The following ADGRB1 variants were observed in gnomAD, a reference collection of about 807,000 sequenced individuals.
ADGRB1 encodes the protein adhesion G protein-coupled receptor B1.
ADGRB1 carries 36 observed loss-of-function variants against 175.7 expected under a neutral mutation model. The observed-to-expected ratio is 0.20, with a 90% CI of 0.16 to 0.27. The LOEUF is 0.27. Among genes scored for constraint, ADGRB1 ranks in the 10% least tolerant of loss-of-function variants. The pLI is 1.00. For synonymous variants in ADGRB1, 1,054 were observed against 979.4 expected (o/e 1.08, Z -1.42); for missense variants, 1,731 against 2,255.3 (o/e 0.77, Z 4.71).
Position 142,544,449 on chromosome 8 carries a change from G to A in ADGRB1, c.*32G>A, listed in dbSNP as rs570987467. The A allele has an allele frequency of 1.3e-4, 186 of 1,442,690 alleles. 1 individual carries two copies. The South Asian group carries it at 2.2e-3, about 17-fold the overall frequency. The allele number at this position is 1,442,690 out of a possible 1,614,324, so 89.4% of individuals were successfully genotyped here. A position where few individuals can be genotyped will look rare whatever the true frequency, so the allele number is the denominator to read the frequency against. On this transcript the variant is annotated 3_prime_UTR_variant, in exon 31 of 31. Transcript: ENST00000517894. ...GGGCGGCGGCCACGCACTGGGCCAC[G>A]GAGGAGGGATGCTGCTCCGCCCGCT...
intron 17 of ADGRB1, among the ~76,000 whole-genome samples, chr8:142,503,716 C>T (rs1437383429): frequency 1.3e-5 from 2 of 152,192 alleles, no homozygotes; most frequent in Non-Finnish European, 2.9e-5. Flanking sequence ...TCTTCAGGAG[C>T]TCCATTCTGC....
intron 30 of ADGRB1, 36 bp from the exon 31 acceptor site, chr8:142,544,184 G>A: frequency 1.9e-6 from 3 of 1,544,702 alleles, no homozygotes; most frequent in Non-Finnish European, 2.6e-6. Flanking sequence ...TCTCCCTCCG[G>A]GCCCCACCCC....
chr8:142,505,920 G>A (rs573374409), intron 17 of ADGRB1, among the ~76,000 whole-genome samples: 1 of 152,308 alleles, frequency 6.6e-6, no homozygotes, highest in South Asian at 2.1e-4. Context: ...GGTGGGGGAG[G>A]TGAAGCGGGG....
At chr8:142,473,166 G>C (rs937321879) in intron 2 of ADGRB1, among the ~76,000 whole-genome samples, 1 of 152,188 alleles carries the variant, frequency 6.6e-6, no homozygotes, top group Non-Finnish European at 1.5e-5. Flanking sequence ...GGCATCCTCC[G>C]ATGAGCCTGG....
intron 18 of ADGRB1, among the ~76,000 whole-genome samples, chr8:142,517,906 A>G (rs1466487480): frequency 6.6e-6 from 1 of 151,804 alleles, no homozygotes; most frequent in Non-Finnish European, 1.5e-5. Context: ...TGTGGGGCAC[A>G]GGCAAAGGGC....
In ADGRB1 at chr8:142,504,006, G is replaced by A. The variant is rs186831776; in HGVS notation, c.2676-6926G>A. Among the ~76,000 whole-genome samples the A allele has an allele frequency of 3.7e-4, 56 of 152,348 alleles. No individual in the cohort carries two copies. The East Asian group carries it at 0.01, about 27-fold the overall frequency. On this transcript the variant is annotated intron_variant, in intron 17 of 30. Transcript: ENST00000517894. This position sits in a 1 kb window ranked among gnomAD's most constrained non-coding sequence, Gnocchi z 5.6. ...GAGAAGCCCAGGAGCCAGCCTCATA[G>A]ACAGGGCACCAAGCCTGAGCAGGCT...
chr8:142,480,857 A>T (rs930667934), intron 9 of ADGRB1, among the ~76,000 whole-genome samples: 6 of 152,178 alleles, frequency 3.9e-5, no homozygotes, highest in African/African-American at 1.2e-4. Context: ...TCTCTGGGCC[A>T]GGCTGAGGCC....
intron 17 of ADGRB1, among the ~76,000 whole-genome samples, chr8:142,502,434 GGT>G (rs1842651617): frequency 1.8e-4 from 1 of 5,612 alleles, no homozygotes; most frequent in Non-Finnish European, 4.2e-4. Flanking sequence ...TGGTGGTGGT[GGT>G]AGTGGTGGTG....
At chr8:142,479,638 C>T (rs1354622807) in intron 8 of ADGRB1, 55 bp from the exon 9 acceptor site, 2 of 65,520 alleles carry the variant, frequency 3.1e-5, no homozygotes, top group African/African-American at 2.4e-4. Context: ...CTTCCAGAGC[C>T]AGCTGCCGGC....
chr8:142,519,870 G>C (rs1843672702), intron 19 of ADGRB1, among the ~76,000 whole-genome samples: 1 of 150,172 alleles, frequency 6.7e-6, no homozygotes, highest in South Asian at 2.2e-4. Flanking sequence ...GGTGATGGTG[G>C]TGCTGGTGAT....
chr8:142,490,163 G>T (rs578190482), intron 16 of ADGRB1, among the ~76,000 whole-genome samples: 1 of 152,344 alleles, frequency 6.6e-6, no homozygotes, highest in Admixed American at 6.5e-5. Context: ...GACCTTGGGA[G>T]AGTTGTTCAG....
At chr8:142,500,954 G>C (rs1842490979) in intron 17 of ADGRB1, among the ~76,000 whole-genome samples, 1 of 152,192 alleles carries the variant, frequency 6.6e-6, no homozygotes, top group Non-Finnish European at 1.5e-5. Flanking sequence ...TGCTGGTGAT[G>C]GTGGTGGCCG....
intron 9 of ADGRB1, 131 bp from the exon 10 acceptor site, chr8:142,481,123 T>C: frequency 1.3e-6 from 1 of 771,802 alleles, no homozygotes. Flanking sequence ...GCTCTCGGCG[T>C]GAGGCCATGG....
At chr8:142,505,940 T>TC (rs1015502210) in intron 17 of ADGRB1, among the ~76,000 whole-genome samples, 4 of 152,082 alleles carry the variant, frequency 2.6e-5, no homozygotes, top group African/African-American at 9.7e-5. Context: ...GACCCAAGGC[T>TC]CCGGGTGAGC....
At chr8:142,494,886 G>A (rs1182157707) in intron 17 of ADGRB1, among the ~76,000 whole-genome samples, 3 of 152,026 alleles carry the variant, frequency 2.0e-5, no homozygotes, top group African/African-American at 7.3e-5. Flanking sequence ...AAAGCGGGGG[G>A]TGGGGGTTGC....
chr8:142,490,062 C>G (rs542449757), intron 16 of ADGRB1, among the ~76,000 whole-genome samples: 4 of 152,290 alleles, frequency 2.6e-5, no homozygotes, highest in African/African-American at 9.6e-5. Context: ...CCTGGGTTAC[C>G]GCACCAGGAC....
chr8:142,533,488 G>C (rs748994465), intron 25 of ADGRB1, 22 bp downstream of exon 25: 2 of 1,573,062 alleles, frequency 1.3e-6, no homozygotes, highest in South Asian at 1.1e-5. Context: ...AGCCTCTGTC[G>C]GGCCGGGCTC....
At chr8:142,538,933 G>T (rs1845099500) in intron 26 of ADGRB1, among the ~76,000 whole-genome samples, 1 of 152,138 alleles carries the variant, frequency 6.6e-6, no homozygotes, top group Non-Finnish European at 1.5e-5. Context: ...GAGGTCATCA[G>T]CTCCCAGACG....
At chr8:142,469,627 ATGTG>A (rs1163021115) in intron 2 of ADGRB1, among the ~76,000 whole-genome samples, 2 of 138,178 alleles carry the variant, frequency 1.4e-5, no homozygotes, top group Non-Finnish European at 3.1e-5. Context: ...ATGCACGTGC[ATGTG>A]TGTATGTGCA....
Sources: allele counts gnomAD v4.1 joint callset (sites outside exome capture counted in the v4.1 genomes callset), GRCh38; gene constraint gnomAD v4.1.1; non-coding constraint Gnocchi (gnomAD v3.1); transcripts MANE v1.5; gene names NCBI Gene and HGNC (gene_info 2026-07-23, HGNC 2026-07-21).